MLLT10: variants seen among roughly 807,000 people sequenced by gnomAD.
MLLT10 encodes MLLT10 histone lysine methyltransferase DOT1L cofactor, also known as protein AF-10.
MLLT10 carries 30 observed loss-of-function variants against 129.1 expected under a neutral mutation model. The observed-to-expected ratio is 0.23, with a 90% CI of 0.17 to 0.32. The LOEUF is 0.32. Ranked by LOEUF, MLLT10 falls within the 10% of genes least tolerant of loss-of-function variation. The pLI is 1.00. For missense variants in MLLT10, 1,119 were observed against 1,268.3 expected (o/e 0.88, Z 1.79); for synonymous variants, 490 against 446.4 (o/e 1.10, Z -1.23).
At chr10:21,612,482 G>T (rs771278581) in intron 6 of MLLT10, 31 bp downstream of exon 6, 71 of 1,401,130 alleles carry the variant, frequency 5.1e-5, no homozygotes, top group Non-Finnish European at 5.7e-5. Flanking sequence ...GCACAGAACT[G>T]AACTTGGTAA....
At chr10:21,559,615 C>G (rs1426386871) in intron 3 of MLLT10, among the ~76,000 whole-genome samples, 2 of 152,124 alleles carry the variant, frequency 1.3e-5, no homozygotes, top group Admixed American at 6.5e-5. Context: ...GTAAGCATAA[C>G]TCTCATTTCG....
chr10:21,551,269 A>C (rs2060999945), intron 3 of MLLT10, among the ~76,000 whole-genome samples: 1 of 149,976 alleles, frequency 6.7e-6, no homozygotes, highest in Admixed American at 6.6e-5. Context: ...GCTGAGTGCC[A>C]AAAAGTACTC....
At chr10:21,708,606 T>G (rs2055770017) in intron 13 of MLLT10, 2 of 985,292 alleles carry the variant, frequency 2.0e-6, no homozygotes, top group African/African-American at 1.7e-5. Flanking sequence ...GTACCAGATA[T>G]TGTTTCAAAG....
At chr10:21,621,568 G>A (rs1398063183) in intron 8 of MLLT10, among the ~76,000 whole-genome samples, 2 of 152,004 alleles carry the variant, frequency 1.3e-5, no homozygotes, top group Admixed American at 6.5e-5. Flanking sequence ...TTTAAAAGTA[G>A]GTGAGCGAGG....
chr10:21,682,162 T>G, intron 12 of MLLT10, 63 bp from the exon 13 acceptor site: 1 of 1,348,844 alleles, frequency 7.4e-7, no homozygotes, highest in Non-Finnish European at 1.0e-6. Context: ...TGTATGGCTA[T>G]GTATTTCTTT....
chr10:21,625,998 C>T (rs2046392987), intron 8 of MLLT10: 2 of 1,024,322 alleles, frequency 2.0e-6, no homozygotes, highest in Admixed American at 1.7e-5. Context: ...GGTGGAGGCC[C>T]ACCATACTTC....
At chr10:21,696,129 C>T (rs1770460633) in intron 13 of MLLT10, among the ~76,000 whole-genome samples, 1 of 151,944 alleles carries the variant, frequency 6.6e-6, no homozygotes, top group South Asian at 2.1e-4. Flanking sequence ...TTGAGACAGG[C>T]CGACTCTGCT....
chr10:21,565,248 C>T (rs1439248399), intron 3 of MLLT10, among the ~76,000 whole-genome samples: 4 of 151,006 alleles, frequency 2.6e-5, no homozygotes, highest in African/African-American at 9.7e-5. Context: ...TTTTTGCTTT[C>T]AACGTGCTTA....
intron 8 of MLLT10, among the ~76,000 whole-genome samples, chr10:21,628,740 CTTTTTTTTT>C (rs1161362725): frequency 3.0e-5 from 3 of 99,362 alleles, no homozygotes; most frequent in Admixed American, 1.0e-4. Flanking sequence ...TGTGCCCTGC[CTTTTTTTTT>C]TTTTTTTTTT....
Position 21,651,828 on chromosome 10 carries a change from C to T in MLLT10, c.795+60C>T. On this transcript the variant is annotated intron_variant, in intron 9 of 22. Coordinates refer to ENST00000307729, the MANE Select transcript of MLLT10 (RefSeq NM_001195626.3). Reference sequence around the variant, plus strand: ...TAAGTAGTTATTGTGCTGATTTTCACCTCTAAAAACTGTTTTCATTCCCTA... The same window carrying T: ...TAAGTAGTTATTGTGCTGATTTTCATCTCTAAAAACTGTTTTCATTCCCTA... 3 of 1,131,232 alleles carry T rather than the reference C, an allele frequency of 2.7e-6. No homozygotes were observed. The South Asian group carries it at 4.4e-5, about 17-fold the overall frequency. 70.1% of individuals were successfully genotyped at this position (1,131,232 alleles called of 1,614,324 possible). A position where few individuals can be genotyped will look rare whatever the true frequency, so the allele number is the denominator to read the frequency against.
At chr10:21,698,877 T>TGTTTG (rs1238537908) in intron 13 of MLLT10, among the ~76,000 whole-genome samples, 1 of 152,062 alleles carries the variant, frequency 6.6e-6, no homozygotes, top group Non-Finnish European at 1.5e-5. Flanking sequence ...GTTTTTGTTT[T>TGTTTG]GTTTGGTTTG....
Position 21,660,615 on chromosome 10 carries a change from C to CAAAAAAAAA in MLLT10, c.795+8860_795+8868dup, listed in dbSNP as rs55685640. ...CGGGTGACAGAGCAAGACTCCATCT[C>CAAAAAAAAA]AAAAAAAAAAAAAAAAAAAAAGCCA... On this transcript the variant is annotated intron_variant, in intron 9 of 22. Coordinates refer to ENST00000307729, the MANE Select transcript of MLLT10 (RefSeq NM_001195626.3). Among the ~76,000 whole-genome samples the CAAAAAAAAA allele has an allele frequency of 5.5e-3, 229 of 41,814 alleles. 11 individuals carry two copies. Among genetic ancestry groups the CAAAAAAAAA allele is most frequent in the African/African-American group, 0.022 (217 of 9,776 alleles). The allele number at this position is 41,814 out of a possible 152,430, so 27.4% of individuals were successfully genotyped here. A position where few individuals can be genotyped will look rare whatever the true frequency, so the allele number is the denominator to read the frequency against.
At chr10:21,702,344 G>C (rs890282994) in intron 13 of MLLT10, among the ~76,000 whole-genome samples, 1 of 152,100 alleles carries the variant, frequency 6.6e-6, no homozygotes, top group Non-Finnish European at 1.5e-5. Context: ...TTAAAGATTT[G>C]TTTTGTGTCC....
chr10:21,647,786 A>G (rs1161161482), intron 8 of MLLT10, among the ~76,000 whole-genome samples: 4 of 151,874 alleles, frequency 2.6e-5, no homozygotes, highest in Non-Finnish European at 5.9e-5. Context: ...AAAATACAGA[A>G]TTTTTAATTT....
intron 17 of MLLT10, among the ~76,000 whole-genome samples, chr10:21,731,879 AC>A (rs1355634866): frequency 6.6e-6 from 1 of 152,148 alleles, no homozygotes; most frequent in Non-Finnish European, 1.5e-5. Context: ...TTTTATTGAA[AC>A]ATTTTGCTTA....
At chr10:21,634,685 G>A (rs2047301318) in intron 8 of MLLT10, among the ~76,000 whole-genome samples, 1 of 152,060 alleles carries the variant, frequency 6.6e-6, no homozygotes, top group Non-Finnish European at 1.5e-5. Flanking sequence ...TTATTTCTTG[G>A]CATGCTTTGG....
chr10:21,657,909 C>T (rs1476278698), intron 9 of MLLT10, among the ~76,000 whole-genome samples: 1 of 151,990 alleles, frequency 6.6e-6, no homozygotes, highest in Admixed American at 6.6e-5. Flanking sequence ...CTTTAAGGAT[C>T]ATCTTTTAAA....
rs575958176 is a variant in MLLT10 at position 21,606,350 on chromosome 10, A to G, written c.406-5998A>G. Among the ~76,000 whole-genome samples, 7 of 152,350 alleles carry G rather than the reference A, an allele frequency of 4.6e-5. No individual in the cohort carries two copies. The South Asian group carries it at 1.2e-3, about 27-fold the overall frequency. On this transcript the variant is annotated intron_variant, in intron 5 of 22. Transcript: ENST00000307729. ...ACAACATCCATCCTGCAGTCTGTGG[A>G]TCCAGGAGTCAATTTGACATAGAAG...
At chr10:21,696,425 C>A (rs1212699888) in intron 13 of MLLT10, among the ~76,000 whole-genome samples, 2 of 152,032 alleles carry the variant, frequency 1.3e-5, no homozygotes. Flanking sequence ...TTGCTAGAAA[C>A]AGAAATTCTC....
Sources: allele counts gnomAD v4.1 joint callset (sites outside exome capture counted in the v4.1 genomes callset), GRCh38; gene constraint gnomAD v4.1.1; transcripts MANE v1.5; gene names NCBI Gene and HGNC (gene_info 2026-07-23, HGNC 2026-07-21).